Variants in SLC30A7 observed in about 807,000 individuals in gnomAD.
SLC30A7 encodes zinc transporter 7.
In SLC30A7, 35 loss-of-function variants were observed where a neutral mutation model predicts 46.0. The ratio of observed to expected loss-of-function variants is 0.76; its 90% CI spans 0.58 to 1.01. The LOEUF (loss-of-function observed/expected upper bound fraction) is 1.01, where lower values mean the gene tolerates loss of function less well. Ranked by LOEUF, SLC30A7 falls within the 50% of genes least tolerant of loss-of-function variation. The pLI is 0.00. For synonymous variants in SLC30A7, 147 were observed against 157.8 expected, an observed-to-expected ratio of 0.93 and a Z score of 0.51; for missense variants, 464 against 451.1, an observed-to-expected ratio of 1.03 and a Z score of -0.26.
At chr1:100,926,567 A>G (rs889683381) in intron 8 of SLC30A7, among the ~76,000 whole-genome samples, 1 of 152,182 alleles carries the variant, frequency 6.6e-6, no homozygotes, top group African/African-American at 2.4e-5. Context: ...AGCACTGGGG[A>G]TTACAATTCA....
intron 8 of SLC30A7, among the ~76,000 whole-genome samples, chr1:100,924,959 C>T (rs1354263445): frequency 6.6e-6 from 1 of 152,232 alleles, no homozygotes; most frequent in Admixed American, 6.5e-5. Context: ...AAGATCTTCA[C>T]TGTCTTGATC....
At chr1:100,962,150 A>T (rs1379565857) in intron 9 of SLC30A7, among the ~76,000 whole-genome samples, 1 of 152,196 alleles carries the variant, frequency 6.6e-6, no homozygotes, top group Non-Finnish European at 1.5e-5. Flanking sequence ...AGCAGTTTTT[A>T]AAAATATAGA....
At chr1:100,974,336 A>G (rs1048899785) in intron 10 of SLC30A7, among the ~76,000 whole-genome samples, 1 of 152,190 alleles carries the variant, frequency 6.6e-6, no homozygotes, top group Non-Finnish European at 1.5e-5. Context: ...ATTGGGGAGA[A>G]TTTAGAGAGC....
intron 8 of SLC30A7, among the ~76,000 whole-genome samples, chr1:100,933,574 A>G (rs1236189228): frequency 6.7e-6 from 1 of 149,048 alleles, no homozygotes; most frequent in Non-Finnish European, 1.5e-5. Flanking sequence ...CACTCCCCCC[A>G]CTCTACTACA....
At chr1:100,958,861 A>C (rs1489399149) in intron 8 of SLC30A7, among the ~76,000 whole-genome samples, 1 of 152,216 alleles carries the variant, frequency 6.6e-6, no homozygotes, top group Non-Finnish European at 1.5e-5. Flanking sequence ...ATTATCACGC[A>C]ATGTAGTAAT....
At chr1:100,934,011 A>C (rs916080585) in intron 8 of SLC30A7, among the ~76,000 whole-genome samples, 3 of 152,228 alleles carry the variant, frequency 2.0e-5, no homozygotes, top group Admixed American at 2.0e-4. Context: ...ATACGTGTAC[A>C]TACCAGTACA....
At chr1:100,990,335 G>A in the SLC30A7 span, 7 of 1,373,144 alleles carry the variant, frequency 5.1e-6, no homozygotes, top group African/African-American at 1.4e-5. Context: ...TGAGACTTGG[G>A]TGGGGATACA....
At chr1:100,921,475 A>G (rs1652930453) in intron 7 of SLC30A7, among the ~76,000 whole-genome samples, 1 of 152,196 alleles carries the variant, frequency 6.6e-6, no homozygotes, top group Non-Finnish European at 1.5e-5. Flanking sequence ...AAGAAAAGGT[A>G]TAAATTACCA....
intron 10 of SLC30A7, among the ~76,000 whole-genome samples, chr1:100,966,935 C>A (rs1336108014): frequency 6.6e-6 from 1 of 152,104 alleles, no homozygotes; most frequent in Non-Finnish European, 1.5e-5. Flanking sequence ...CTTAATAGTG[C>A]ATTTGGAATC....
At chr1:100,963,996 A>G (rs1402364182) in intron 9 of SLC30A7, among the ~76,000 whole-genome samples, 1 of 152,138 alleles carries the variant, frequency 6.6e-6, no homozygotes, top group Non-Finnish European at 1.5e-5. Context: ...GCTGACATAG[A>G]TGAGAGGTCA....
At chr1:100,904,376 T>C (rs1196309706) in intron 2 of SLC30A7, among the ~76,000 whole-genome samples, 1 of 152,222 alleles carries the variant, frequency 6.6e-6, no homozygotes, top group Non-Finnish European at 1.5e-5. Flanking sequence ...TTGTTTTTTA[T>C]ATTTCCCACT....
chr1:100,989,841 G>A, the SLC30A7 span: 1 of 153,548 alleles, frequency 6.5e-6, no homozygotes, highest in Non-Finnish European at 1.4e-5. Flanking sequence ...TCTGCTTTAT[G>A]TGTACATCCT....
chr1:100,990,099 C>G, the SLC30A7 span: 2 of 350,092 alleles, frequency 5.7e-6, no homozygotes, highest in African/African-American at 2.1e-5. Context: ...ACTCACAGTT[C>G]CACATGGCTG....
At chr1:100,971,969 G>A (rs931452121) in intron 10 of SLC30A7, among the ~76,000 whole-genome samples, 3 of 152,082 alleles carry the variant, frequency 2.0e-5, no homozygotes, top group African/African-American at 7.2e-5. Flanking sequence ...TTTCTTAGGA[G>A]CATGAAAGTG....
At chr1:100,951,191 G>T (rs1191196719) in intron 8 of SLC30A7, among the ~76,000 whole-genome samples, 1 of 152,156 alleles carries the variant, frequency 6.6e-6, no homozygotes, top group Non-Finnish European at 1.5e-5. Flanking sequence ...AATGCTGGCA[G>T]TTAGAAGGAA....
At chr1:100,927,653 A>G (rs1305259422) in intron 8 of SLC30A7, among the ~76,000 whole-genome samples, 1 of 152,208 alleles carries the variant, frequency 6.6e-6, no homozygotes, top group Non-Finnish European at 1.5e-5. Context: ...TTGTTCAGCT[A>G]CTTGGTAAGA....
At chr1:100,913,896 G>T (rs1652299797) in intron 6 of SLC30A7, 90 bp downstream of exon 6, 1 of 1,512,630 alleles carries the variant, frequency 6.6e-7, no homozygotes, top group African/African-American at 1.4e-5. Context: ...TTATTAAAAA[G>T]ATACCAAATC....
In SLC30A7 at chr1:100,980,010, A is replaced by G. The variant is rs1472422161; in HGVS notation, c.*5153A>G. 1.3e-5 allele frequency: 2 copies of G among 152,136 alleles called. No individual in the cohort carries two copies. The highest frequency in any genetic ancestry group is 1.9e-4 in the East Asian group (1 of 5,204). The allele number at this position is 152,136 out of a possible 1,614,324, so 9.4% of individuals were successfully genotyped here. A position where few individuals can be genotyped will look rare whatever the true frequency, so the allele number is the denominator to read the frequency against. ...ACTCATTCCTTCTTCCAGTGCCCTT[A>G]TGATTATTTCCTACCTTTACCATTG... On this transcript the variant is annotated 3_prime_UTR_variant, in exon 11 of 11. Coordinates refer to ENST00000357650, the MANE Select transcript of SLC30A7 (RefSeq NM_133496.5).
intron 8 of SLC30A7, among the ~76,000 whole-genome samples, chr1:100,923,004 A>ATGTTT (rs1490940276): frequency 8.1e-5 from 4 of 49,110 alleles, no homozygotes; most frequent in African/African-American, 2.8e-4. Flanking sequence ...GTTAGAATAG[A>ATGTTT]TTTTTTTTTT....
Sources: gnomAD v4.1 joint callset for allele counts (sites outside exome capture counted in the v4.1 genomes callset) on GRCh38, gnomAD v4.1.1 for gene constraint, MANE v1.5 for transcripts, NCBI Gene and HGNC (gene_info 2026-07-23, HGNC 2026-07-21) for gene names.